Variants in MITF observed in about 807,000 individuals in gnomAD.
MITF encodes the protein melanocyte inducing transcription factor.
In MITF, 17 loss-of-function variants were observed where a neutral mutation model predicts 60.5. The ratio of observed to expected loss-of-function variants is 0.28; its 90% CI spans 0.19 to 0.42. The LOEUF is 0.42. Among genes scored for constraint, MITF ranks in the 10% least tolerant of loss-of-function variants. The pLI is 1.00. For missense variants in MITF, 622 were observed against 683.5 expected (o/e 0.91, Z 1.00); for synonymous variants, 260 against 248.5 (o/e 1.05, Z -0.43).
chr3:69,888,621 C>A, intron 2 of MITF, among the ~76,000 whole-genome samples: 1 of 152,184 alleles, frequency 6.6e-6, no homozygotes, highest in East Asian at 1.9e-4. Flanking sequence ...CCTCTTTCAA[C>A]TCTTGGCTTA....
rs2066676197 is a variant in MITF at position 69,965,782 on chromosome 3, A to G, written c.*534A>G. The G allele has an allele frequency of 4.3e-6, 1 of 231,212 alleles. No individual in the cohort carries two copies. Among genetic ancestry groups the G allele is most frequent in the Non-Finnish European group, 8.5e-6 (1 of 117,344 alleles). 14.3% of individuals were successfully genotyped at this position (231,212 alleles called of 1,614,324 possible). A position where few individuals can be genotyped will look rare whatever the true frequency, so the allele number is the denominator to read the frequency against. On this transcript the variant is annotated 3_prime_UTR_variant, in exon 10 of 10. Transcript: ENST00000352241. The stretch of plus-strand genomic sequence containing the variant: ...TAGCTTTGTTTAGTCTTTATACTGC[A>G]AACTATTTAAAGAAATATGTATTCT...
At chr3:69,903,762 C>T (rs1174712733) in intron 2 of MITF, among the ~76,000 whole-genome samples, 2 of 152,164 alleles carry the variant, frequency 1.3e-5, no homozygotes, top group African/African-American at 4.8e-5. Flanking sequence ...GAAATCATAG[C>T]TTCTGACTCT....
intron 2 of MITF, among the ~76,000 whole-genome samples, chr3:69,891,174 A>G (rs1158783709): frequency 6.6e-6 from 1 of 152,170 alleles, no homozygotes; most frequent in Non-Finnish European, 1.5e-5. Flanking sequence ...ATACCTAAAT[A>G]ATTTTTCAAC....
rs763819345 is a variant in MITF, at chr3:69,939,215, CTT to C, written c.666+36_666+37del. On this transcript the variant is annotated intron_variant, in intron 4 of 9. Coordinates refer to ENST00000352241, the MANE Select transcript of MITF (RefSeq NM_001354604.2). ...TGACTTGGCAGCCTGAGGATGAACA[CTT>C]TGTAATGAGAATCTATATTTGTGGT... 3 of 1,569,116 alleles carry C rather than the reference CTT, an allele frequency of 1.9e-6. No homozygotes were observed. In the South Asian group the frequency reaches 3.3e-5, roughly 17 times the overall value.
At chr3:69,762,819 G>A (rs1292402797) in intron 1 of MITF, 4 of 224,002 alleles carry the variant, frequency 1.8e-5, no homozygotes, top group Non-Finnish European at 3.6e-5. Flanking sequence ...GCTGGGGAAT[G>A]TGTAGTGGGT....
intron 2 of MITF, among the ~76,000 whole-genome samples, chr3:69,923,519 A>G (rs1319441375): frequency 1.3e-5 from 2 of 152,058 alleles, no homozygotes; most frequent in African/African-American, 4.8e-5. Context: ...TAATTTTTGT[A>G]TTTTTAGTAG....
At chr3:69,862,080 A>G (rs1559680885) in intron 1 of MITF, among the ~76,000 whole-genome samples, 1 of 151,674 alleles carries the variant, frequency 6.6e-6, no homozygotes. Context: ...GTTATATTAT[A>G]TATTAGTGGT....
intron 2 of MITF, among the ~76,000 whole-genome samples, chr3:69,908,491 A>G (rs553112140): frequency 6.6e-6 from 1 of 152,374 alleles, no homozygotes; most frequent in Non-Finnish European, 1.5e-5. Context: ...GCAATTCAAA[A>G]AATAGTTTTA....
At chr3:69,836,552 A>G (rs1390900943) in intron 1 of MITF, among the ~76,000 whole-genome samples, 3 of 152,216 alleles carry the variant, frequency 2.0e-5, no homozygotes, top group Non-Finnish European at 4.4e-5. Context: ...AGTGAATACA[A>G]TGAAAGAACA....
intron 1 of MITF, among the ~76,000 whole-genome samples, chr3:69,794,508 A>T (rs1182582559): frequency 6.6e-6 from 1 of 152,134 alleles, no homozygotes; most frequent in African/African-American, 2.4e-5. Context: ...TTGTGCCTTA[A>T]TGGCAAGGTA....
At chr3:69,773,469 C>T (rs1479530543) in intron 1 of MITF, among the ~76,000 whole-genome samples, 1 of 152,130 alleles carries the variant, frequency 6.6e-6, no homozygotes, top group Non-Finnish European at 1.5e-5. Context: ...ATGTAAACCA[C>T]GGTTTTGTCA....
At chr3:69,937,280 G>T (rs1343065647) in intron 2 of MITF, 1 of 165,664 alleles carries the variant, frequency 6.0e-6, no homozygotes, top group African/African-American at 2.4e-5. Context: ...AAAAGTGGGA[G>T]AATTAATCCA....
At chr3:69,873,397 T>G (rs976974855) in intron 1 of MITF, among the ~76,000 whole-genome samples, 1 of 152,220 alleles carries the variant, frequency 6.6e-6, no homozygotes, top group Non-Finnish European at 1.5e-5. Context: ...CTCTTATTTG[T>G]GCAGTTGGTG....
rs532988937 is a variant in MITF at position 69,839,638 on chromosome 3, G to A, written c.105-39496G>A. Among the ~76,000 whole-genome samples the A allele has an allele frequency of 2.8e-4, 42 of 152,064 alleles. No homozygotes were observed. In the East Asian group the frequency reaches 7.7e-3, roughly 28 times the overall value. Reference sequence around the variant, plus strand: ...ATGGAGGCCACCGTGAGGGGCTGGGGCATGTCAGTGGCCCACAGCTATTCT... The same window carrying A: ...ATGGAGGCCACCGTGAGGGGCTGGGACATGTCAGTGGCCCACAGCTATTCT... On this transcript the variant is annotated intron_variant, in intron 1 of 9. Coordinates refer to ENST00000352241, the MANE Select transcript of MITF (RefSeq NM_001354604.2).
intron 1 of MITF, among the ~76,000 whole-genome samples, chr3:69,751,610 G>A (rs1371226388): frequency 7.5e-6 from 1 of 132,972 alleles, no homozygotes; most frequent in Non-Finnish European, 1.6e-5. Context: ...GCGCTGATCT[G>A]TTCTTGTTGT....
At chr3:69,881,098 C>A (rs896305502) in intron 2 of MITF, among the ~76,000 whole-genome samples, 1 of 151,968 alleles carries the variant, frequency 6.6e-6, no homozygotes, top group East Asian at 1.9e-4. Context: ...AAGTTAAAAT[C>A]TACATTAAGT....
chr3:69,739,481 C>A lies in MITF; in HGVS notation c.-117C>A. On this transcript the variant is annotated 5_prime_UTR_variant, in exon 1 of 10. Transcript: ENST00000352241. Reference sequence around the variant, plus strand: ...GGGCGGCCGCGAGCCGGCGAGCGGGCAGAGCTCGGCACTGCGCCGGGGCGC... The same window carrying A: ...GGGCGGCCGCGAGCCGGCGAGCGGGAAGAGCTCGGCACTGCGCCGGGGCGC... 2.3e-6 allele frequency: 2 copies of A among 885,860 alleles called. No individual in the cohort carries two copies. Among genetic ancestry groups the A allele is most frequent in the Admixed American group, 5.0e-5 (2 of 39,722 alleles). 54.9% of individuals were successfully genotyped at this position (885,860 alleles called of 1,614,324 possible). A position where few individuals can be genotyped will look rare whatever the true frequency, so the allele number is the denominator to read the frequency against.
rs557667223 is a variant in MITF at position 69,856,219 on chromosome 3, C to T, written c.105-22915C>T. 1.6e-4 allele frequency among the ~76,000 whole-genome samples: 25 copies of T among 152,218 alleles called. No homozygotes were observed. In the South Asian group the frequency reaches 5.2e-3, roughly 32 times the overall value. On this transcript the variant is annotated intron_variant, in intron 1 of 9. Transcript: ENST00000352241. Reference sequence around the variant, plus strand: ...CTTTATATCTCTCAATCAATGTTTCCTAAATTTTAGCTATTCTCATGCTAA... The same window carrying T: ...CTTTATATCTCTCAATCAATGTTTCTTAAATTTTAGCTATTCTCATGCTAA...
At chr3:69,890,698 T>C (rs1287169947) in intron 2 of MITF, among the ~76,000 whole-genome samples, 3 of 152,168 alleles carry the variant, frequency 2.0e-5, no homozygotes, top group African/African-American at 7.2e-5. Flanking sequence ...AACAGTTCTT[T>C]AGTAATTCAT....
Sources: allele counts gnomAD v4.1 joint callset (sites outside exome capture counted in the v4.1 genomes callset), GRCh38; gene constraint gnomAD v4.1.1; transcripts MANE v1.5; gene names NCBI Gene and HGNC (gene_info 2026-07-23, HGNC 2026-07-21).